PCDH15: variants seen among roughly 807,000 people sequenced by gnomAD.
PCDH15 encodes protocadherin related 15.
PCDH15 carries 129 observed loss-of-function variants against 178.5 expected under a neutral mutation model. The observed-to-expected ratio is 0.72, with a 90% CI of 0.63 to 0.84. The LOEUF is 0.84. PCDH15 is among the 40% of genes least tolerant of loss of function. The probability of loss-of-function intolerance (pLI) is 0.00; values close to 1 mark genes in which losing one functional copy is unlikely to be tolerated. For missense variants in PCDH15, 2,230 were observed against 2,099.9 expected (o/e 1.06, Z -1.21); for synonymous variants, 800 against 732.0 (o/e 1.09, Z -1.50).
chr10:54,611,290 A>T lies in PCDH15; in HGVS notation c.91+52882T>A, dbSNP rs2092953016. Among the ~76,000 whole-genome samples the T allele has an allele frequency of 2.6e-5, 4 of 151,944 alleles. No homozygotes were observed. The South Asian group carries it at 8.3e-4, about 32-fold the overall frequency. On this transcript the variant is annotated intron_variant, in intron 2 of 37. Coordinates refer to ENST00000644397, the MANE Select transcript of PCDH15 (RefSeq NM_001384140.1). ...TAATATTGATGTTTTTATTTTTTTAAAAAAAACCTCCCTGATAATTTAAGT... is the reference window on the plus strand; with the variant it reads ...TAATATTGATGTTTTTATTTTTTTATAAAAAACCTCCCTGATAATTTAAGT...
intron 2 of PCDH15, among the ~76,000 whole-genome samples, chr10:55,111,865 TAAAAAATA>T (rs976602990): frequency 5.3e-5 from 8 of 152,010 alleles, no homozygotes; most frequent in African/African-American, 1.9e-4. Context: ...AAAAAAACAA[TAAAAAATA>T]AAAAAGTTCT....
chr10:54,161,334 A>T (rs2045691739), intron 13 of PCDH15, among the ~76,000 whole-genome samples: 1 of 152,218 alleles, frequency 6.6e-6, no homozygotes, highest in Non-Finnish European at 1.5e-5. Context: ...ATATTTTTTA[A>T]TTCCTAGACA....
intron 1 of PCDH15, among the ~76,000 whole-genome samples, chr10:55,269,810 C>A (rs1842394230): frequency 6.6e-6 from 1 of 151,972 alleles, no homozygotes; most frequent in Admixed American, 6.6e-5. Context: ...CAAAAAAGAG[C>A]CCAAATAGAC....
intron 1 of PCDH15, among the ~76,000 whole-genome samples, chr10:54,759,654 G>A (rs1947612697): frequency 6.6e-6 from 1 of 152,176 alleles, no homozygotes; most frequent in Non-Finnish European, 1.5e-5. Context: ...TTATGAATAA[G>A]TAAATTGACA....
Position 53,866,830 on chromosome 10 carries a change from T to C in PCDH15, c.3529A>G (p.Ser1177Gly), listed in dbSNP as rs774683705. Residue 1177 changes from serine to glycine, a missense_variant, in exon 27 of 38, where the codon AGT (serine) becomes GGT (glycine). Transcript: ENST00000644397. ...KATDKDTGNY[S>G]VMAYRLIIPP... ...ATTATGAGTCTGTAGGCCATGACAC[T>C]ATAATTGCCAGTATCTTTATCAGTA... 3 of 1,612,078 alleles carry C rather than the reference T, an allele frequency of 1.9e-6. No individual in the cohort carries two copies. The highest frequency in any genetic ancestry group is 2.5e-6 in the Non-Finnish European group (3 of 1,178,512).
Position 54,108,571 on chromosome 10 carries a change from C to T in PCDH15, c.1918-18508G>A, listed in dbSNP as rs745859476. Among the ~76,000 whole-genome samples, 5 of 152,154 alleles carry T rather than the reference C, an allele frequency of 3.3e-5. No homozygotes were observed. In the East Asian group the frequency reaches 5.8e-4, roughly 18 times the overall value. On this transcript the variant is annotated intron_variant, in intron 15 of 37. Coordinates refer to ENST00000644397, the MANE Select transcript of PCDH15 (RefSeq NM_001384140.1). The stretch of plus-strand genomic sequence containing the variant: ...TGAAATGCAGTCTAGGCCACAAAGA[C>T]TGCAACTCCTATGCAAGTACTAGTG...
intron 2 of PCDH15, among the ~76,000 whole-genome samples, chr10:54,949,722 C>T (rs1838287419): frequency 1.3e-5 from 2 of 151,956 alleles, no homozygotes; most frequent in African/African-American, 2.4e-5. Flanking sequence ...TGCTTTGCTG[C>T]CTAGTAATTT....
chr10:54,766,027 T>G (rs1948471699), intron 1 of PCDH15, among the ~76,000 whole-genome samples: 1 of 149,740 alleles, frequency 6.7e-6, no homozygotes, highest in Non-Finnish European at 1.5e-5. Context: ...TCCTCTGTAA[T>G]AAGATGTGCA....
At chr10:55,210,210 A>G (rs1256361402) in intron 1 of PCDH15, among the ~76,000 whole-genome samples, 2 of 152,074 alleles carry the variant, frequency 1.3e-5, no homozygotes, top group Non-Finnish European at 2.9e-5. Context: ...GTGTTACAGC[A>G]GATGATGCCA....
At chr10:55,569,622 T>C (rs1157808138) in intron 2 of PCDH15, among the ~76,000 whole-genome samples, 1 of 151,858 alleles carries the variant, frequency 6.6e-6, no homozygotes, top group Admixed American at 6.6e-5. Flanking sequence ...AACATCATGA[T>C]GAGAATATCT....
chr10:54,754,120 G>T (rs868478229), intron 1 of PCDH15, among the ~76,000 whole-genome samples: 10 of 151,876 alleles, frequency 6.6e-5, no homozygotes, highest in African/African-American at 2.2e-4. Flanking sequence ...GAGCCACCGC[G>T]CCCGGCTCCC....
intron 23 of PCDH15, among the ~76,000 whole-genome samples, chr10:53,958,770 G>A (rs980754693): frequency 4.6e-5 from 7 of 151,890 alleles, no homozygotes; most frequent in African/African-American, 1.7e-4. Context: ...CAGGAGGTCA[G>A]AGATCGAGAC....
intron 2 of PCDH15, among the ~76,000 whole-genome samples, chr10:55,395,446 T>C (rs1281601330): frequency 6.6e-6 from 1 of 152,246 alleles, no homozygotes; most frequent in African/African-American, 2.4e-5. Flanking sequence ...CTTCCTAGTT[T>C]ACTGAAATGT....
intron 2 of PCDH15, among the ~76,000 whole-genome samples, chr10:54,982,856 C>T (rs1839273341): frequency 6.6e-6 from 1 of 152,012 alleles, no homozygotes; most frequent in Non-Finnish European, 1.5e-5. Context: ...TAATTATGTA[C>T]TACACATTGG....
chr10:55,543,603 A>G (rs1275148985), intron 2 of PCDH15, among the ~76,000 whole-genome samples: 1 of 151,554 alleles, frequency 6.6e-6, no homozygotes, highest in Non-Finnish European at 1.5e-5. Context: ...CATACCTTAT[A>G]AGGAGAAGAG....
chr10:55,313,457 GTGT>G (rs1843642825), intron 1 of PCDH15, among the ~76,000 whole-genome samples: 2 of 152,248 alleles, frequency 1.3e-5, no homozygotes, highest in East Asian at 1.9e-4. Context: ...AGAAAATTTT[GTGT>G]AAAGGTTACC....
At chr10:55,603,547 C>T (rs1231570342) in intron 2 of PCDH15, among the ~76,000 whole-genome samples, 12 of 150,044 alleles carry the variant, frequency 8.0e-5, no homozygotes, top group Admixed American at 2.7e-4. Context: ...GTGAATCTCT[C>T]GGCAGAAACC....
At position 54,307,069 on chromosome 10, in the gene PCDH15, T is replaced by C. The variant is rs1370514946; in HGVS notation, c.876+10202A>G. 3.1e-4 allele frequency among the ~76,000 whole-genome samples: 3 copies of C among 9,802 alleles called. No individual in the cohort carries two copies. The East Asian group carries it at 9.0e-3, about 30-fold the overall frequency. The allele number at this position is 9,802 out of a possible 152,430, so 6.4% of individuals were successfully genotyped here. A position where few individuals can be genotyped will look rare whatever the true frequency, so the allele number is the denominator to read the frequency against. On this transcript the variant is annotated intron_variant, in intron 8 of 37. Coordinates refer to ENST00000644397, the MANE Select transcript of PCDH15 (RefSeq NM_001384140.1). ...ATATATATATATATATATATATATATATATATATATACATATATATATATG... is the reference window on the plus strand; with the variant it reads ...ATATATATATATATATATATATATACATATATATATACATATATATATATG...
At chr10:54,366,344 A>T (rs1360713891) in intron 5 of PCDH15, among the ~76,000 whole-genome samples, 2 of 152,080 alleles carry the variant, frequency 1.3e-5, no homozygotes, top group Non-Finnish European at 2.9e-5. Context: ...ATCTTTCTTA[A>T]TTGCATAAAC....
Sources: gnomAD v4.1 joint callset for allele counts (sites outside exome capture counted in the v4.1 genomes callset) on GRCh38, gnomAD v4.1.1 for gene constraint, MANE v1.5 for transcripts, NCBI Gene and HGNC (gene_info 2026-07-23, HGNC 2026-07-21) for gene names.